Variants in POLN observed in about 807,000 individuals in gnomAD.
POLN encodes DNA polymerase N.
In POLN, 108 loss-of-function variants were observed where a neutral mutation model predicts 113.5. That is an observed-to-expected ratio of 0.95 (90% CI 0.81 to 1.12). POLN has a LOEUF of 1.12. Among genes scored for constraint, POLN ranks in the 50% most tolerant of loss-of-function variants. POLN has a pLI of 0.00. For missense variants in POLN, 1,097 were observed against 1,077.1 expected (o/e 1.02, Z -0.26); for synonymous variants, 386 against 391.5 (o/e 0.99, Z 0.17).
chr4:2,174,589 T>C, intron 10 of POLN, 102 bp downstream of exon 10: 1 of 975,578 alleles, frequency 1.0e-6, no homozygotes, highest in Non-Finnish European at 1.6e-6. Context: ...GCCCATGAGA[T>C]ATACTATCTA....
chr4:2,215,597 C>A (rs546538125), intron 3 of POLN, among the ~76,000 whole-genome samples: 1 of 152,234 alleles, frequency 6.6e-6, no homozygotes, highest in South Asian at 2.1e-4. Flanking sequence ...GGCCCTTGGG[C>A]AAAGAAGTTC....
intron 13 of POLN, among the ~76,000 whole-genome samples, chr4:2,163,500 A>ACC (rs1732652871): frequency 1.3e-5 from 2 of 152,230 alleles, no homozygotes; most frequent in Admixed American, 6.5e-5. Context: ...CCGCGGGCTC[A>ACC]CCCGCGCTCT....
intron 19 of POLN, among the ~76,000 whole-genome samples, chr4:2,103,462 C>T (rs573947430): frequency 1.3e-5 from 2 of 152,166 alleles, no homozygotes; most frequent in South Asian, 4.2e-4. Context: ...TTTGGGACTA[C>T]ATAAAACAGC....
chr4:2,109,382 T>C (rs1731140401), intron 19 of POLN, among the ~76,000 whole-genome samples: 1 of 152,140 alleles, frequency 6.6e-6, no homozygotes, highest in African/African-American at 2.4e-5. Context: ...AAAAGAGCAA[T>C]AATCAAAATA....
intron 7 of POLN, among the ~76,000 whole-genome samples, chr4:2,188,041 A>G (rs545468820): frequency 4.3e-4 from 65 of 152,306 alleles, no homozygotes; most frequent in Middle Eastern, 3.4e-3. Flanking sequence ...ACTTCAGCCC[A>G]GGAATTTGAG....
intron 19 of POLN, among the ~76,000 whole-genome samples, chr4:2,105,904 G>A (rs1319966158): frequency 6.6e-6 from 1 of 152,016 alleles, no homozygotes; most frequent in African/African-American, 2.4e-5. Flanking sequence ...GTCTTGGCAA[G>A]CTCTCCAACA....
intron 23 of POLN, 43 bp downstream of exon 23, chr4:2,080,915 C>CTA (rs549111112): frequency 6.2e-7 from 1 of 1,613,328 alleles, no homozygotes; most frequent in South Asian, 1.1e-5. Context: ...CCACAGAATA[C>CTA]TAACCCTCCC....
chr4:2,079,686 G>T (rs1730358201), intron 23 of POLN: 1 of 879,970 alleles, frequency 1.1e-6, no homozygotes, highest in African/African-American at 1.8e-5. Context: ...CTGGGTTCAA[G>T]CGATCCTCCT....
chr4:2,104,895 C>T (rs1179180133), intron 19 of POLN, among the ~76,000 whole-genome samples: 1 of 152,210 alleles, frequency 6.6e-6, no homozygotes, highest in South Asian at 2.1e-4. Context: ...GTGCTGCACA[C>T]CTATCAGGGT....
chr4:2,227,361 G>A (rs1299784894), intron 3 of POLN: 2 of 152,202 alleles, frequency 1.3e-5, no homozygotes, highest in Non-Finnish European at 1.5e-5. Flanking sequence ...TGCAGCCTCA[G>A]GAGAGACACC....
Position 2,080,232 on chromosome 4 carries a change from G to A in POLN, c.2387+726C>T. ...TTGCAGCACCCCCAGGCCTTGGCTGGCAAGGAGGAGGTGGCTGGGCGAGGG... is the reference window on the plus strand; with the variant it reads ...TTGCAGCACCCCCAGGCCTTGGCTGACAAGGAGGAGGTGGCTGGGCGAGGG... On this transcript the variant is annotated intron_variant, in intron 23 of 25. Transcript: ENST00000511885. 3 of 987,948 alleles carry A rather than the reference G, an allele frequency of 3.0e-6. No individual in the cohort carries two copies. The South Asian group carries it at 1.4e-4, about 46-fold the overall frequency. 61.2% of individuals were successfully genotyped at this position (987,948 alleles called of 1,614,324 possible).
intron 7 of POLN, among the ~76,000 whole-genome samples, chr4:2,184,703 T>C (rs1733228642): frequency 6.6e-6 from 1 of 152,164 alleles, no homozygotes; most frequent in African/African-American, 2.4e-5. Flanking sequence ...AAATGGCTAA[T>C]TTCAGGTCTA....
chr4:2,072,907 G>T, intron 25 of POLN, 61 bp downstream of exon 25: 1 of 1,563,438 alleles, frequency 6.4e-7, no homozygotes, highest in Non-Finnish European at 8.8e-7. Context: ...TTGCCCTGGG[G>T]GTGCTGGCCT....
intron 7 of POLN, among the ~76,000 whole-genome samples, chr4:2,180,175 G>C (rs1444343627): frequency 6.6e-6 from 1 of 152,176 alleles, no homozygotes; most frequent in Non-Finnish European, 1.5e-5. Context: ...AAACTGGGGG[G>C]AAAGATTACT....
In POLN at chr4:2,081,652, T is replaced by G. The variant is rs990277678; in HGVS notation, c.2289A>C (p.Ala763=). ...QQLRAQAERQ[A]VNFVVQGSAA... is the part of the protein sequence containing the mutation. ...TGGTACCTTGCACCACGAAGTTCACTGCCTGTCGCTCTGCTTGTGCCCGGA... is the reference window on the plus strand; with the variant it reads ...TGGTACCTTGCACCACGAAGTTCACGGCCTGTCGCTCTGCTTGTGCCCGGA... The change falls in exon 22 of 26, where the codon GCA becomes GCC. Residue 763 remains alanine (A), a synonymous_variant. Coordinates refer to ENST00000511885, the MANE Select transcript of POLN (RefSeq NM_181808.4). The G allele has an allele frequency of 6.2e-7, 1 of 1,614,220 alleles. No homozygotes were observed. The highest frequency in any genetic ancestry group is 1.7e-5 in the Admixed American group (1 of 60,032).
chr4:2,112,137 A>G (rs1406720861), intron 19 of POLN, among the ~76,000 whole-genome samples: 1 of 152,262 alleles, frequency 6.6e-6, no homozygotes, highest in Non-Finnish European at 1.5e-5. Flanking sequence ...CAATGGGGAA[A>G]GGATTCCCTA....
At position 2,097,495 on chromosome 4, in the gene POLN, C is replaced by T. The variant is rs573158170; in HGVS notation, c.1983-1562G>A. ...CCTCCTGTGTAGCTGGGATTACAGG[C>T]ACCTGCCACCATGCCCAGCTAATTT... On this transcript the variant is annotated intron_variant, in intron 19 of 25. Coordinates refer to ENST00000511885, the MANE Select transcript of POLN (RefSeq NM_181808.4). 4.6e-5 allele frequency among the ~76,000 whole-genome samples: 7 copies of T among 152,222 alleles called. No homozygotes were observed. In the South Asian group the frequency reaches 1.5e-3, roughly 32 times the overall value.
intron 6 of POLN, among the ~76,000 whole-genome samples, chr4:2,196,990 G>C (rs1733592506): frequency 6.6e-6 from 1 of 152,224 alleles, no homozygotes; most frequent in Non-Finnish European, 1.5e-5. Flanking sequence ...GAGAGGCCGG[G>C]AGAGAGGAGG....
At chr4:2,187,290 C>T (rs893577779) in intron 7 of POLN, among the ~76,000 whole-genome samples, 2 of 152,144 alleles carry the variant, frequency 1.3e-5, no homozygotes, top group Non-Finnish European at 2.9e-5. Context: ...GTTGCTCAGG[C>T]GGAAGTGCAA....
Sources: allele counts gnomAD v4.1 joint callset (sites outside exome capture counted in the v4.1 genomes callset), GRCh38; gene constraint gnomAD v4.1.1; transcripts MANE v1.5; gene names NCBI Gene and HGNC (gene_info 2026-07-23, HGNC 2026-07-21).